The following DST variants were observed in gnomAD, a reference collection of about 807,000 sequenced individuals.
The protein encoded by DST is bullous pemphigoid antigen.
In DST, 253 loss-of-function variants were observed where a neutral mutation model predicts 875.2. That is an observed-to-expected ratio of 0.29 (90% CI 0.26 to 0.32). The LOEUF is 0.32. DST is among the 10% of genes least tolerant of loss of function. The probability of loss-of-function intolerance (pLI) is 1.00; values close to 1 mark genes in which losing one functional copy is unlikely to be tolerated. For synonymous variants in DST, 3,124 were observed against 3,197.1 expected (o/e 0.98, Z 0.77); for missense variants, 8,287 against 9,111.6 (o/e 0.91, Z 3.68).
intron 4 of DST, among the ~76,000 whole-genome samples, chr6:56,786,932 G>GT (rs1329996079): frequency 6.6e-6 from 1 of 152,202 alleles, no homozygotes; most frequent in Non-Finnish European, 1.5e-5. Flanking sequence ...GGGCAATGTG[G>GT]TTCCTTTTTA....
chr6:56,567,742 T>G (rs1394946521), intron 55 of DST, among the ~76,000 whole-genome samples: 2 of 152,148 alleles, frequency 1.3e-5, no homozygotes, highest in African/African-American at 4.8e-5. Context: ...CTGGTCAGAC[T>G]AGATACCCCA....
At chr6:56,581,348 G>A (rs1157391699) in intron 49 of DST, among the ~76,000 whole-genome samples, 1 of 152,120 alleles carries the variant, frequency 6.6e-6, no homozygotes, top group Admixed American at 6.5e-5. Context: ...AAGAACACAT[G>A]TAATTGATGG....
chr6:56,843,692 G>A (rs1427773395), intron 4 of DST: 5 of 963,824 alleles, frequency 5.2e-6, no homozygotes, highest in South Asian at 9.6e-5. Flanking sequence ...CCGCGCCGGG[G>A]AGAGAGGGAG....
chr6:56,909,390 C>T (rs929889437), intron 2 of DST, among the ~76,000 whole-genome samples: 1 of 152,100 alleles, frequency 6.6e-6, no homozygotes, highest in Non-Finnish European at 1.5e-5. Context: ...AAACACTTCC[C>T]ACAGCCACTT....
intron 4 of DST, among the ~76,000 whole-genome samples, chr6:56,804,312 G>T (rs891686650): frequency 8.6e-5 from 13 of 151,956 alleles, no homozygotes; most frequent in African/African-American, 3.1e-4. Context: ...CTGAAATACA[G>T]TTCTAGGAAA....
At chr6:56,513,963 G>A (rs2096537647) in intron 72 of DST, among the ~76,000 whole-genome samples, 1 of 152,150 alleles carries the variant, frequency 6.6e-6, no homozygotes, top group Non-Finnish European at 1.5e-5. Context: ...TGTAGAGCTG[G>A]AAAAGAAATG....
intron 61 of DST, among the ~76,000 whole-genome samples, chr6:56,539,219 A>T (rs1036704440): frequency 2.3e-4 from 35 of 152,070 alleles, no homozygotes; most frequent in Non-Finnish European, 4.7e-4. Flanking sequence ...AGATCTAGGT[A>T]AATCTGATAG....
chr6:56,488,111 C>T (rs1321447578), intron 86 of DST, among the ~76,000 whole-genome samples: 1 of 152,126 alleles, frequency 6.6e-6, no homozygotes, highest in Non-Finnish European at 1.5e-5. Flanking sequence ...CAATTACAAT[C>T]ACATTATTTC....
rs935175691 is a variant in DST, at chr6:56,714,709, C to T, written c.688-10340G>A. On this transcript the variant is annotated intron_variant, in intron 5 of 103. Transcript: ENST00000680361. The surrounding 1 kb of genome is among the most constrained non-coding windows in gnomAD (Gnocchi z 4.5). ...CCCTAACTAGAGCTTCATGTCCATTCCTGATGGCTAAGAGAGATTTTGAAA... is the reference window on the plus strand; with the variant it reads ...CCCTAACTAGAGCTTCATGTCCATTTCTGATGGCTAAGAGAGATTTTGAAA... 4.6e-5 allele frequency among the ~76,000 whole-genome samples: 7 copies of T among 152,212 alleles called. No homozygotes were observed. The highest frequency in any genetic ancestry group is 3.9e-4 in the Admixed American group (6 of 15,270).
chr6:56,744,081 G>A (rs752720463), intron 4 of DST, among the ~76,000 whole-genome samples: 17 of 151,628 alleles, frequency 1.1e-4, no homozygotes, highest in Non-Finnish European at 1.9e-4. Flanking sequence ...CCCAGAAGGC[G>A]GAGTTTGCAG....
intron 4 of DST, among the ~76,000 whole-genome samples, chr6:56,762,679 T>C (rs949928383): frequency 6.6e-6 from 1 of 152,202 alleles, no homozygotes; most frequent in African/African-American, 2.4e-5. Context: ...GTAAAATACC[T>C]GCGCAACTAC....
chr6:56,761,880 T>C (rs1207490957), intron 4 of DST, among the ~76,000 whole-genome samples: 1 of 152,234 alleles, frequency 6.6e-6, no homozygotes, highest in Non-Finnish European at 1.5e-5. Flanking sequence ...TGAATCTGAA[T>C]ACAGCTTTTG....
chr6:56,560,387 C>T lies in DST; in HGVS notation c.14347G>A (p.Val4783Ile), dbSNP rs1169663516. 6.2e-7 allele frequency: 1 copy of T among 1,604,142 alleles called. No individual in the cohort carries two copies. The highest frequency in any genetic ancestry group is 8.5e-7 in the Non-Finnish European group (1 of 1,174,402). ...GTCAATTTGTCTTTCAACTCCTGTA[C>T]TTTGTTTACATTCTGCTTCAGTTCT... The part of the protein sequence containing the change: ...EAELKQNVNK[V>I]QELKDKLTEL... Residue 4783 changes from valine to isoleucine, a missense_variant, in exon 58 of 104, where the codon GTA (valine) becomes ATA (isoleucine). Val to Ile is a conservative substitution (Grantham distance 29, BLOSUM62 3). Around this residue, in one of 10 missense-constraint regions of DST, gnomAD observed 1,513 missense variants for 1,677.8 expected, o/e 0.90. Transcript: ENST00000680361.
chr6:56,631,280 C>T lies in DST; in HGVS notation c.4073G>A (p.Arg1358Gln), dbSNP rs756823864. ...CTGAAGGACCACATTAAGCTCTGAT[C>T]GTAGGGTAGGGACTGATGAAGAGGC... is the stretch of plus-strand genomic sequence containing the variant. Reference protein sequence around the residue: ...AAASSSVPTLRSELNVVLQNM... With the variant: ...AAASSSVPTLQSELNVVLQNM... Residue 1358 changes from arginine to glutamine, a missense_variant, in exon 30 of 104, where the codon CGA becomes CAA. Arg to Gln is a conservative substitution (Grantham distance 43, BLOSUM62 1). Transcript: ENST00000680361. The T allele has an allele frequency of 1.9e-6, 3 of 1,613,772 alleles. No homozygotes were observed. Among genetic ancestry groups the T allele is most frequent in the Non-Finnish European group, 2.5e-6 (3 of 1,179,882 alleles).
intron 4 of DST, among the ~76,000 whole-genome samples, chr6:56,850,710 C>A (rs896400885): frequency 1.3e-5 from 2 of 152,232 alleles, no homozygotes; most frequent in Non-Finnish European, 2.9e-5. Context: ...CCACAGTGTT[C>A]TCAGCTTTCA....
At chr6:56,623,878 T>C (rs113200525) in intron 36 of DST, among the ~76,000 whole-genome samples, 2,505 of 152,124 alleles carry the variant, frequency 0.016, 60 homozygotes, top group African/African-American at 0.057. Flanking sequence ...ATATGATTTA[T>C]AAATGCAGAA....
At chr6:56,468,907 C>G (rs2094728469) in intron 98 of DST, 75 bp downstream of exon 98, 1 of 1,254,566 alleles carries the variant, frequency 8.0e-7, no homozygotes. Flanking sequence ...TTGGCCATGG[C>G]AAGCTTTAAT....
intron 36 of DST, chr6:56,617,476 T>C (rs2098639446): frequency 3.6e-6 from 5 of 1,395,038 alleles, no homozygotes; most frequent in Non-Finnish European, 5.1e-6. Flanking sequence ...TGTCACTTTA[T>C]CCATTCTCAA....
At chr6:56,785,404 C>T (rs1174262017) in intron 4 of DST, among the ~76,000 whole-genome samples, 1 of 152,214 alleles carries the variant, frequency 6.6e-6, no homozygotes, top group Non-Finnish European at 1.5e-5. Context: ...CCTAAGCAAG[C>T]CTGGGCAATG....
Sources: gnomAD v4.1 joint callset for allele counts (sites outside exome capture counted in the v4.1 genomes callset) on GRCh38, gnomAD v4.1.1 for gene constraint, gnomAD v4.1.1 regional missense constraint, Gnocchi (gnomAD v3.1) non-coding constraint, MANE v1.5 for transcripts, NCBI Gene and HGNC (gene_info 2026-07-23, HGNC 2026-07-21) for gene names.